The following FRMPD4 variants were observed in gnomAD, a reference collection of about 807,000 sequenced individuals.
FRMPD4 encodes FERM and PDZ domain-containing protein 4.
Under a neutral mutation model 94.1 loss-of-function variants are expected in FRMPD4, and 22 were observed. The ratio of observed to expected loss-of-function variants is 0.23; its 90% CI spans 0.17 to 0.33. FRMPD4 has a LOEUF of 0.33. Among genes scored for constraint, FRMPD4 ranks in the 10% least tolerant of loss-of-function variants. The probability of loss-of-function intolerance (pLI) is 1.00; values close to 1 mark genes in which losing one functional copy is unlikely to be tolerated. For missense variants in FRMPD4, 1,111 were observed against 1,339.9 expected (o/e 0.83, Z 2.67); for synonymous variants, 631 against 548.6 (o/e 1.15, Z -2.10).
chrX:12,470,084 A>G (rs187368030), intron 1 of FRMPD4, among the ~76,000 whole-genome samples: 17 of 112,473 alleles, frequency 1.5e-4, no homozygotes, highest in East Asian at 5.6e-4. Flanking sequence ...CCCCAGATGC[A>G]GTATTATAAG....
At chrX:12,664,522 T>C (rs1170241437) in intron 4 of FRMPD4, among the ~76,000 whole-genome samples, 1 of 112,168 alleles carries the variant, frequency 8.9e-6, no homozygotes, top group Non-Finnish European at 1.9e-5. Context: ...TTTGCATACG[T>C]TGAACCAGCC....
intron 1 of FRMPD4, among the ~76,000 whole-genome samples, chrX:12,271,974 T>C (rs2054360656): frequency 2.7e-5 from 3 of 112,291 alleles, no homozygotes; most frequent in South Asian, 3.7e-4. Context: ...CATTTTCTTA[T>C]TAGAGGCAGC....
chrX:12,295,073 T>G (rs2147881615), intron 1 of FRMPD4, among the ~76,000 whole-genome samples: 1 of 112,232 alleles, frequency 8.9e-6, no homozygotes, highest in South Asian at 3.8e-4. Flanking sequence ...CTTTCTTATA[T>G]CAATACCTCC....
chrX:12,055,049 A>G (rs1377450891), intron 3 of FRMPD4: 1 of 112,382 alleles, frequency 8.9e-6, no homozygotes, highest in East Asian at 2.8e-4. Flanking sequence ...GCTTGATTTA[A>G]TTATTTCACA....
chrX:11,966,078 C>T (rs113680539), intron 3 of FRMPD4, among the ~76,000 whole-genome samples: 2 of 112,015 alleles, frequency 1.8e-5, no homozygotes, highest in African/African-American at 6.5e-5. Flanking sequence ...TGAAAATATA[C>T]ACCAAGTTGG....
rs769410220 is a variant in FRMPD4, at chrX:12,666,979, G to A, written c.423-7884G>A. On this transcript the variant is annotated intron_variant, in intron 4 of 16. Coordinates refer to ENST00000675598, the MANE Select transcript of FRMPD4 (RefSeq NM_001368397.1). ...AACGCTGAAGTACAGGAAGAATAAA[G>A]AATCCTATGTGTGCATGTGTATACC... Among the ~76,000 whole-genome samples the A allele has an allele frequency of 1.6e-4, 18 of 112,099 alleles. No individual in the cohort carries two copies. In the South Asian group the frequency reaches 2.9e-3, roughly 18 times the overall value.
chrX:12,128,138 C>T (rs1398878026), intron 3 of FRMPD4, among the ~76,000 whole-genome samples: 2 of 112,951 alleles, frequency 1.8e-5, no homozygotes, highest in African/African-American at 6.4e-5. Context: ...CTTCTTCTCA[C>T]AGCTCCAACC....
chrX:11,991,111 G>T (rs956295042), intron 3 of FRMPD4, among the ~76,000 whole-genome samples: 2 of 111,567 alleles, frequency 1.8e-5, no homozygotes, highest in African/African-American at 6.5e-5. Flanking sequence ...ATTCCAGTTT[G>T]CAAAGATGCA....
At chrX:11,943,650 T>A (rs2054174262) in intron 3 of FRMPD4, among the ~76,000 whole-genome samples, 1 of 111,710 alleles carries the variant, frequency 9.0e-6, no homozygotes, top group Non-Finnish European at 1.9e-5. Context: ...CCTAATCATC[T>A]CTTATTAGGT....
intron 3 of FRMPD4, among the ~76,000 whole-genome samples, chrX:12,102,825 T>C (rs2055266261): frequency 9.1e-6 from 1 of 110,042 alleles, no homozygotes; most frequent in African/African-American, 3.3e-5. Flanking sequence ...CCTGTGATGA[T>C]TGCTCTAAAG....
intron 4 of FRMPD4, among the ~76,000 whole-genome samples, chrX:12,615,985 A>G (rs1226559226): frequency 1.8e-5 from 2 of 110,894 alleles, no homozygotes; most frequent in Non-Finnish European, 3.8e-5. Flanking sequence ...AAGAACTGGG[A>G]GAGGAGCAAA....
chrX:12,464,892 G>C (rs1043719620), intron 1 of FRMPD4, among the ~76,000 whole-genome samples: 1 of 111,558 alleles, frequency 9.0e-6, no homozygotes, highest in Admixed American at 9.5e-5. Context: ...AAAAGCAATG[G>C]AGCCAAAATG....
chrX:11,921,063 G>A (rs746738700), intron 3 of FRMPD4, among the ~76,000 whole-genome samples: 12 of 112,192 alleles, frequency 1.1e-4, no homozygotes, highest in South Asian at 3.7e-4. Flanking sequence ...GTCCTATTAC[G>A]TAAGGAGATT....
chrX:12,326,312 CAAT>C (rs780876681), intron 1 of FRMPD4, among the ~76,000 whole-genome samples: 1 of 111,946 alleles, frequency 8.9e-6, no homozygotes, highest in Non-Finnish European at 1.9e-5. Context: ...CAGAGAGACT[CAAT>C]GATGGGCCAC....
At chrX:11,992,969 T>C (rs1466726581) in intron 3 of FRMPD4, among the ~76,000 whole-genome samples, 1 of 108,114 alleles carries the variant, frequency 9.2e-6, no homozygotes, top group Non-Finnish European at 1.9e-5. Flanking sequence ...TAATGATGTA[T>C]GACTTTCCTG....
At chrX:11,942,229 T>TA (rs2054164040) in intron 3 of FRMPD4, among the ~76,000 whole-genome samples, 1 of 43,888 alleles carries the variant, frequency 2.3e-5, no homozygotes, top group Non-Finnish European at 5.2e-5. Flanking sequence ...TTTTCTTTCC[T>TA]TTTTTTTTTT....
intron 1 of FRMPD4, among the ~76,000 whole-genome samples, chrX:12,247,329 G>C (rs1036229292): frequency 1.8e-5 from 2 of 111,191 alleles, no homozygotes; most frequent in Admixed American, 9.6e-5. Context: ...TCTGCCAGTT[G>C]CTGGGTGCTC....
intron 1 of FRMPD4, among the ~76,000 whole-genome samples, chrX:12,147,578 G>A (rs905546088): frequency 3.6e-5 from 4 of 111,569 alleles, no homozygotes. Context: ...TTATAATTGA[G>A]TCCAGTTTTG....
At chrX:11,844,891 A>T (rs925745299) in intron 1 of FRMPD4, among the ~76,000 whole-genome samples, 1 of 111,739 alleles carries the variant, frequency 8.9e-6, no homozygotes, top group Non-Finnish European at 1.9e-5. Context: ...ATTATTCTTC[A>T]ATCTTTTTTA....
Sources: allele counts gnomAD v4.1 joint callset (sites outside exome capture counted in the v4.1 genomes callset), GRCh38; gene constraint gnomAD v4.1.1; transcripts MANE v1.5; gene names NCBI Gene and HGNC (gene_info 2026-07-23, HGNC 2026-07-21).